Variants in ZNF124 observed in about 807,000 individuals in gnomAD.
ZNF124 encodes zinc finger protein HZF-16.
Under a neutral mutation model 26.6 loss-of-function variants are expected in ZNF124, and 25 were observed. The ratio of observed to expected loss-of-function variants is 0.94; its 90% CI spans 0.68 to 1.31. The LOEUF is 1.31. ZNF124 is among the 40% of genes most tolerant of loss of function. The pLI, the probability that ZNF124 is intolerant of heterozygous loss-of-function variation, is 0.00. For missense variants in ZNF124, 444 were observed against 422.2 expected, an observed-to-expected ratio of 1.05 and a Z score of -0.45; for synonymous variants, 129 against 133.3, an observed-to-expected ratio of 0.97 and a Z score of 0.22.
chr1:247,161,373 GAAAA>G (rs1006020537), intron 1 of ZNF124, among the ~76,000 whole-genome samples: 2 of 151,958 alleles, frequency 1.3e-5, no homozygotes, highest in African/African-American at 4.8e-5. Flanking sequence ...ATTTAATTGG[GAAAA>G]AAATGAATTG....
At chr1:247,162,790 C>T (rs1045149052) in intron 1 of ZNF124, among the ~76,000 whole-genome samples, 6 of 152,088 alleles carry the variant, frequency 3.9e-5, no homozygotes, top group African/African-American at 1.2e-4. Context: ...CAGATTCATA[C>T]GGCAAATTCT....
intron 3 of ZNF124, among the ~76,000 whole-genome samples, chr1:247,143,017 A>G (rs1428444145): frequency 6.6e-6 from 1 of 152,066 alleles, no homozygotes; most frequent in East Asian, 1.9e-4. Context: ...AGTATTTTAA[A>G]TTTTAGGTAA....
downstream of ZNF124, among the ~76,000 whole-genome samples, chr1:247,152,054 C>CT (rs34178643): frequency 0.24 from 34,006 of 142,782 alleles, 4,405 homozygotes; most frequent in Middle Eastern, 0.43. Flanking sequence ...CCACCCCCCG[C>CT]TTTTTTTTTT....
downstream of ZNF124, among the ~76,000 whole-genome samples, chr1:247,154,209 C>G (rs951729009): frequency 6.6e-6 from 1 of 152,218 alleles, no homozygotes; most frequent in African/African-American, 2.4e-5. Context: ...AAGGGCAAGA[C>G]CAGGTGGAGG....
chr1:247,170,344 G>C (rs949387892), intron 1 of ZNF124, among the ~76,000 whole-genome samples: 14 of 150,284 alleles, frequency 9.3e-5, no homozygotes, highest in Admixed American at 8.2e-4. Flanking sequence ...GTTGTAAATT[G>C]GAGAGGTGAA....
intron 3 of ZNF124, among the ~76,000 whole-genome samples, chr1:247,135,183 CAAG>C (rs1277483615): frequency 6.6e-6 from 1 of 151,676 alleles, no homozygotes; most frequent in African/African-American, 2.4e-5. Context: ...TAGCAGAAGA[CAAG>C]AAAGAACTAA....
chr1:247,139,647 A>G (rs148539648), intron 3 of ZNF124, among the ~76,000 whole-genome samples: 60 of 152,060 alleles, frequency 3.9e-4, no homozygotes, highest in African/African-American at 1.4e-3. Context: ...TTTTCTTTCT[A>G]TATTTAGTGC....
At chr1:247,151,761 G>A (rs1672952078), downstream of ZNF124, among the ~76,000 whole-genome samples, 1 of 151,904 alleles carries the variant, frequency 6.6e-6, no homozygotes, top group Non-Finnish European at 1.5e-5. Flanking sequence ...ACATGCATAT[G>A]TGCATCAGCA....
chr1:247,159,409 G>A (rs1673347111), intron 2 of ZNF124, among the ~76,000 whole-genome samples: 1 of 152,192 alleles, frequency 6.6e-6, no homozygotes, highest in Admixed American at 6.5e-5. Flanking sequence ...GCCCTGAGCT[G>A]AAGTAGCATC....
intron 3 of ZNF124, among the ~76,000 whole-genome samples, chr1:247,132,821 C>T (rs976328417): frequency 1.3e-5 from 2 of 152,076 alleles, no homozygotes; most frequent in Admixed American, 1.3e-4. Flanking sequence ...CACATACCCC[C>T]TGCTTGCTCA....
chr1:247,133,469 A>C (rs1672415353), intron 3 of ZNF124, among the ~76,000 whole-genome samples: 1 of 152,098 alleles, frequency 6.6e-6, no homozygotes, highest in Non-Finnish European at 1.5e-5. Flanking sequence ...CAAGAAGAAC[A>C]ACCCCAAGAC....
At chr1:247,162,939 A>T (rs1673568628) in intron 1 of ZNF124, among the ~76,000 whole-genome samples, 1 of 152,156 alleles carries the variant, frequency 6.6e-6, no homozygotes, top group Admixed American at 6.5e-5. Flanking sequence ...AATGGACCTA[A>T]TGGACACCTA....
At chr1:247,162,697 G>A (rs547187985) in intron 1 of ZNF124, among the ~76,000 whole-genome samples, 23 of 150,082 alleles carry the variant, frequency 1.5e-4, no homozygotes, top group Middle Eastern at 3.5e-3. Context: ...AAAAAGACAC[G>A]GGTATTACAT....
chr1:247,135,573 G>C (rs1672462484), intron 3 of ZNF124, among the ~76,000 whole-genome samples: 1 of 152,120 alleles, frequency 6.6e-6, no homozygotes, highest in Non-Finnish European at 1.5e-5. Context: ...GGACCAGATG[G>C]ATTCACAGCA....
chr1:247,158,890 A>G (rs937144309), intron 3 of ZNF124, 116 bp downstream of exon 3: 2 of 924,526 alleles, frequency 2.2e-6, no homozygotes, highest in African/African-American at 1.7e-5. Flanking sequence ...CAGCATCCCA[A>G]AGTGCTGGGA....
chr1:247,130,555 G>GTGGA (rs1428266955), intron 3 of ZNF124, among the ~76,000 whole-genome samples: 2 of 152,084 alleles, frequency 1.3e-5, no homozygotes, highest in Middle Eastern at 3.2e-3. Flanking sequence ...CTGTGGGTGG[G>GTGGA]GACTTGGCAT....
intron 3 of ZNF124, among the ~76,000 whole-genome samples, chr1:247,134,746 G>A (rs1388990763): frequency 6.6e-6 from 1 of 152,208 alleles, no homozygotes; most frequent in African/African-American, 2.4e-5. Flanking sequence ...TCTGGATCAA[G>A]TGACCTAGTA....
chr1:247,156,400 C>CT lies in ZNF124; in HGVS notation c.*165dup. 1.6e-6 allele frequency: 2 copies of CT among 1,273,594 alleles called. No individual in the cohort carries two copies. Among genetic ancestry groups the CT allele is most frequent in the Non-Finnish European group, 2.0e-6 (2 of 1,010,364 alleles). The allele number at this position is 1,273,594 out of a possible 1,614,324, so 78.9% of individuals were successfully genotyped here. Reference sequence around the variant, plus strand: ...CAAAAAGAAATGGAAAAATTGAATGCTTTACCTTATTGCTTATAGTCATAG... The same window carrying CT: ...CAAAAAGAAATGGAAAAATTGAATGCTTTTACCTTATTGCTTATAGTCATAG... On this transcript the variant is annotated 3_prime_UTR_variant, in exon 4 of 4. Transcript: ENST00000543802.
At chr1:247,153,237 C>G (rs1672998447), downstream of ZNF124, among the ~76,000 whole-genome samples, 1 of 151,954 alleles carries the variant, frequency 6.6e-6, no homozygotes, top group African/African-American at 2.4e-5. Context: ...AGGTTTCCAA[C>G]ATGTAAATGT....
Sources: allele counts gnomAD v4.1 joint callset (sites outside exome capture counted in the v4.1 genomes callset), GRCh38; gene constraint gnomAD v4.1.1; transcripts MANE v1.5; gene names NCBI Gene and HGNC (gene_info 2026-07-23, HGNC 2026-07-21).